The following OPCML variants were observed in gnomAD, a reference collection of about 807,000 sequenced individuals.
OPCML encodes opioid binding protein/cell adhesion molecule like, also known as opioid-binding protein/cell adhesion molecule.
In OPCML, 13 loss-of-function variants were observed where a neutral mutation model predicts 37.8. The ratio of observed to expected loss-of-function variants is 0.34; its 90% CI spans 0.22 to 0.55. The LOEUF (loss-of-function observed/expected upper bound fraction) is 0.55, where lower values mean the gene tolerates loss of function less well. Ranked by LOEUF, OPCML falls within the 20% of genes least tolerant of loss-of-function variation. The pLI, the probability that OPCML is intolerant of heterozygous loss-of-function variation, is 0.91. For missense variants in OPCML, 341 were observed against 435.6 expected, an observed-to-expected ratio of 0.78 and a Z score of 1.93; for synonymous variants, 176 against 168.8, an observed-to-expected ratio of 1.04 and a Z score of -0.33.
chr11:132,530,951 G>T (rs79447175), intron 3 of OPCML, among the ~76,000 whole-genome samples: 279 of 152,186 alleles, frequency 1.8e-3, no homozygotes, highest in African/African-American at 6.6e-3. Flanking sequence ...TCTGCCATTT[G>T]CCCTGACCTC....
chr11:132,766,647 C>G (rs1370310430), intron 2 of OPCML, among the ~76,000 whole-genome samples: 1 of 152,068 alleles, frequency 6.6e-6, no homozygotes, highest in Non-Finnish European at 1.5e-5. Flanking sequence ...CCTCCTGACC[C>G]CTCACACTGA....
At chr11:132,529,944 G>A (rs561255575) in intron 3 of OPCML, among the ~76,000 whole-genome samples, 3 of 152,274 alleles carry the variant, frequency 2.0e-5, no homozygotes, top group Admixed American at 6.5e-5. Context: ...ATAGACCAGT[G>A]TTTTAATCAG....
intron 1 of OPCML, among the ~76,000 whole-genome samples, chr11:133,164,759 G>T (rs1207496797): frequency 6.6e-6 from 1 of 152,174 alleles, no homozygotes; most frequent in East Asian, 1.9e-4. Flanking sequence ...AAAAGCAAGA[G>T]AATTATTCTT....
intron 2 of OPCML, among the ~76,000 whole-genome samples, chr11:132,819,849 A>T (rs1006079762): frequency 1.3e-5 from 2 of 152,154 alleles, no homozygotes; most frequent in African/African-American, 4.8e-5. Flanking sequence ...TAAAAAACAC[A>T]TGTTTGTAAG....
In OPCML at chr11:133,102,787, CAACAAA is replaced by C. The variant is rs576097274; in HGVS notation, c.62-159783_62-159778del. 1.9e-3 allele frequency among the ~76,000 whole-genome samples: 283 copies of C among 152,004 alleles called. 1 individual carries two copies. Among genetic ancestry groups the C allele is most frequent in the Non-Finnish European group, 3.1e-3 (211 of 67,928 alleles). ...ACAAAACAAAAACAAACAACAACAACAACAAAAAAAACTATGCCAAATTTGATTTTG... is the reference window on the plus strand; with the variant it reads ...ACAAAACAAAAACAAACAACAACAACAAAAACTATGCCAAATTTGATTTTG... On this transcript the variant is annotated intron_variant, in intron 1 of 7. Transcript: ENST00000524381.
chr11:133,264,450 A>C (rs993307179), intron 1 of OPCML, among the ~76,000 whole-genome samples: 2 of 152,208 alleles, frequency 1.3e-5, no homozygotes, highest in African/African-American at 2.4e-5. Flanking sequence ...AGTGAGGCTA[A>C]CTTGAGAACC....
intron 2 of OPCML, among the ~76,000 whole-genome samples, chr11:132,697,988 T>TTATTTATA (rs1373588859): frequency 2.7e-5 from 1 of 37,164 alleles, no homozygotes; most frequent in Non-Finnish European, 6.0e-5. Flanking sequence ...ATTTATTTAT[T>TTATTTATA]TATTTATTTA....
At chr11:133,530,299 G>A (rs377160614) in intron 1 of OPCML, among the ~76,000 whole-genome samples, 31 of 152,356 alleles carry the variant, frequency 2.0e-4, no homozygotes, top group East Asian at 7.7e-4. Flanking sequence ...CCTTCAGGGC[G>A]CGCTGCAATG....
At chr11:132,470,773 A>T (rs1346524696) in intron 4 of OPCML, among the ~76,000 whole-genome samples, 2 of 152,174 alleles carry the variant, frequency 1.3e-5, no homozygotes, top group Non-Finnish European at 1.5e-5. Context: ...TGAAACCCAG[A>T]TTGTCTGGTT....
rs529830486 is a variant in OPCML at position 133,321,296 on chromosome 11, G to A, written c.61+210968C>T. On this transcript the variant is annotated intron_variant, in intron 1 of 7. Coordinates refer to ENST00000524381, the MANE Select transcript of OPCML (RefSeq NM_001012393.5). Reference sequence around the variant, plus strand: ...AGCTCCTGCTGCCATCAGAAGCTCCGTAAGTACCGCATTTACTGAGAGAGG... The same window carrying A: ...AGCTCCTGCTGCCATCAGAAGCTCCATAAGTACCGCATTTACTGAGAGAGG... Among the ~76,000 whole-genome samples, 16 of 152,304 alleles carry A rather than the reference G, an allele frequency of 1.1e-4. No homozygotes were observed. The East Asian group carries it at 1.7e-3, about 17-fold the overall frequency.
At chr11:132,978,653 G>T (rs1175409717) in intron 1 of OPCML, among the ~76,000 whole-genome samples, 3 of 152,154 alleles carry the variant, frequency 2.0e-5, no homozygotes, top group African/African-American at 7.2e-5. Flanking sequence ...CCAGGGTGAG[G>T]GAACAGGGGT....
In OPCML at chr11:132,950,098, G is replaced by A. The variant is rs76146634; in HGVS notation, c.62-7088C>T. On this transcript the variant is annotated intron_variant, in intron 1 of 7. Coordinates refer to ENST00000524381, the MANE Select transcript of OPCML (RefSeq NM_001012393.5). ...AGGTGCAGCCGCGCTGGGCCTTGAA[G>A]GTCACAGTAACTGTTTTGGAATTGG... Among the ~76,000 whole-genome samples, 1,302 of 152,318 alleles carry A rather than the reference G, an allele frequency of 8.5e-3. 6 individuals carry two copies. Among genetic ancestry groups the A allele is most frequent in the Middle Eastern group, 0.017 (5 of 294 alleles).
intron 1 of OPCML, among the ~76,000 whole-genome samples, chr11:133,267,373 G>A (rs1813441530): frequency 6.6e-6 from 1 of 152,144 alleles, no homozygotes; most frequent in Non-Finnish European, 1.5e-5. Flanking sequence ...GTGCTCCTGA[G>A]CAAGTTTTCT....
At chr11:132,730,220 C>A (rs1945030984) in intron 2 of OPCML, among the ~76,000 whole-genome samples, 2 of 151,634 alleles carry the variant, frequency 1.3e-5, no homozygotes, top group African/African-American at 4.8e-5. Flanking sequence ...TGCAGCCTAA[C>A]TAAAGGTGTA....
intron 3 of OPCML, among the ~76,000 whole-genome samples, chr11:132,578,557 T>G (rs998272742): frequency 3.3e-5 from 5 of 152,192 alleles, no homozygotes; most frequent in South Asian, 4.1e-4. Flanking sequence ...TTCCAAAGCC[T>G]TGGTAATGTA....
At chr11:133,319,254 C>G (rs1440904357) in intron 1 of OPCML, among the ~76,000 whole-genome samples, 4 of 152,054 alleles carry the variant, frequency 2.6e-5, no homozygotes, top group Non-Finnish European at 4.4e-5. Flanking sequence ...ATTGAAGCAG[C>G]CCAGTCAAGT....
chr11:132,807,988 C>A (rs759127060), intron 2 of OPCML, among the ~76,000 whole-genome samples: 3 of 152,152 alleles, frequency 2.0e-5, no homozygotes, highest in Non-Finnish European at 4.4e-5. Context: ...AAATGTAGAT[C>A]TTTCTTTCTT....
At chr11:133,038,417 G>A (rs549931628) in intron 1 of OPCML, among the ~76,000 whole-genome samples, 2 of 152,264 alleles carry the variant, frequency 1.3e-5, no homozygotes, top group Admixed American at 6.5e-5. Flanking sequence ...CTGCCTCAAG[G>A]TTGTTGGTTA....
At chr11:133,261,789 CCTT>C (rs1941503275) in intron 1 of OPCML, among the ~76,000 whole-genome samples, 3 of 152,196 alleles carry the variant, frequency 2.0e-5, no homozygotes, top group Non-Finnish European at 2.9e-5. Context: ...ACTTCAATTG[CCTT>C]CTTCTGTGAG....
Sources: gnomAD v4.1 joint callset for allele counts (sites outside exome capture counted in the v4.1 genomes callset) on GRCh38, gnomAD v4.1.1 for gene constraint, MANE v1.5 for transcripts, NCBI Gene and HGNC (gene_info 2026-07-23, HGNC 2026-07-21) for gene names.